MBP: variants seen among roughly 807,000 people sequenced by gnomAD.
The protein encoded by MBP is myelin basic protein, also known as Golli-MBP.
In MBP, 16 loss-of-function variants were observed where a neutral mutation model predicts 35.8. The ratio of observed to expected loss-of-function variants is 0.45; its 90% CI spans 0.30 to 0.68. The LOEUF is 0.68. Among genes scored for constraint, MBP ranks in the 30% least tolerant of loss-of-function variants. The pLI, the probability that MBP is intolerant of heterozygous loss-of-function variation, is 0.08. For synonymous variants in MBP, 143 were observed against 159.6 expected, an observed-to-expected ratio of 0.90 and a Z score of 0.78; for missense variants, 380 against 404.7, an observed-to-expected ratio of 0.94 and a Z score of 0.52.
chr18:76,996,850 G>A (rs753770421), intron 4 of MBP, among the ~76,000 whole-genome samples: 1 of 152,146 alleles, frequency 6.6e-6, no homozygotes, highest in Non-Finnish European at 1.5e-5. Flanking sequence ...AGCCCATTTT[G>A]TTCATTATTT....
intron 3 of MBP, among the ~76,000 whole-genome samples, chr18:77,051,311 G>A (rs547109771): frequency 6.6e-6 from 1 of 152,316 alleles, no homozygotes; most frequent in Admixed American, 6.5e-5. Context: ...CGAATGACGC[G>A]AGCATCTCTC....
chr18:77,029,423 G>A (rs1350858421), intron 3 of MBP, among the ~76,000 whole-genome samples: 4 of 132,068 alleles, frequency 3.0e-5, no homozygotes, highest in African/African-American at 1.2e-4. Context: ...GAGGGAGACC[G>A]TGGGGAGAGG....
intron 4 of MBP, among the ~76,000 whole-genome samples, chr18:76,997,762 A>C (rs1970366817): frequency 6.6e-6 from 1 of 150,588 alleles, no homozygotes; most frequent in Admixed American, 6.6e-5. Flanking sequence ...GGCTCACTGC[A>C]AGCTCCGCCT....
At chr18:77,042,888 C>G (rs1462482103) in intron 3 of MBP, among the ~76,000 whole-genome samples, 1 of 152,176 alleles carries the variant, frequency 6.6e-6, no homozygotes, top group African/African-American at 2.4e-5. Flanking sequence ...TTTTAAAAAG[C>G]CTCAGGCAAG....
At chr18:77,068,562 G>A (rs991115976) in intron 2 of MBP, among the ~76,000 whole-genome samples, 3 of 152,204 alleles carry the variant, frequency 2.0e-5, no homozygotes, top group Admixed American at 6.5e-5. Flanking sequence ...GCAGAAAGAG[G>A]TGTTGCCTGA....
Position 77,101,189 on chromosome 18 carries a change from CT to C in MBP, c.51+4021del, listed in dbSNP as rs1975992917. ...TCCCTCTGTGGGTGGGTCTTGCCCC[CT>C]GCCCCTCTCCTGGCATTGAGGCACG... On this transcript the variant is annotated intron_variant, in intron 2 of 8. Coordinates refer to ENST00000355994, the MANE Select transcript of MBP (RefSeq NM_001025101.2). The surrounding 1 kb of genome is among the most constrained non-coding windows in gnomAD (Gnocchi z 4.3). 6.6e-6 allele frequency among the ~76,000 whole-genome samples: 1 copy of C among 152,244 alleles called. No individual in the cohort carries two copies. Among genetic ancestry groups the C allele is most frequent in the African/African-American group, 2.4e-5 (1 of 41,468 alleles).
At chr18:76,996,904 A>G (rs1970299780) in intron 4 of MBP, among the ~76,000 whole-genome samples, 3 of 152,274 alleles carry the variant, frequency 2.0e-5, no homozygotes, top group Middle Eastern at 3.4e-3. Flanking sequence ...ATGAGCTGTC[A>G]TTGTACAGCC....
At chr18:77,059,939 GAA>G (rs1207634928) in intron 3 of MBP, among the ~76,000 whole-genome samples, 1 of 152,236 alleles carries the variant, frequency 6.6e-6, no homozygotes, top group Admixed American at 6.5e-5. Context: ...CAGCCTCTTA[GAA>G]AAGTGATGTA....
chr18:77,022,616 T>A (rs933210960), intron 3 of MBP, among the ~76,000 whole-genome samples: 4 of 152,268 alleles, frequency 2.6e-5, no homozygotes, highest in African/African-American at 9.6e-5. Flanking sequence ...CTGTGCTTTA[T>A]GTTCTCTAGC....
At chr18:77,099,546 T>C (rs1975912313) in intron 2 of MBP, among the ~76,000 whole-genome samples, 1 of 152,248 alleles carries the variant, frequency 6.6e-6, no homozygotes, top group South Asian at 2.1e-4. Flanking sequence ...ACGAGAAGAC[T>C]GACGCTCCCA....
At chr18:77,032,769 A>T (rs1489883615) in intron 3 of MBP, among the ~76,000 whole-genome samples, 5 of 152,148 alleles carry the variant, frequency 3.3e-5, no homozygotes, top group African/African-American at 1.2e-4. Context: ...CACTGGACAG[A>T]CCCAGAGCAG....
At chr18:77,073,088 T>C (rs1471874228) in intron 2 of MBP, among the ~76,000 whole-genome samples, 1 of 152,236 alleles carries the variant, frequency 6.6e-6, no homozygotes, top group Non-Finnish European at 1.5e-5. Context: ...CCAAATACTT[T>C]GTCAGGATCC....
chr18:77,068,796 G>T (rs1974312320), intron 2 of MBP, among the ~76,000 whole-genome samples: 1 of 152,172 alleles, frequency 6.6e-6, no homozygotes. Context: ...ACAAAAATGA[G>T]ATTTCTTTTT....
At chr18:76,987,376 A>C (rs146785786) in intron 7 of MBP, 643 of 985,482 alleles carry the variant, frequency 6.5e-4, no homozygotes, top group Admixed American at 1.8e-3. Flanking sequence ...TTAGGTCAGA[A>C]AAAGCAAGTC....
intron 4 of MBP, among the ~76,000 whole-genome samples, chr18:76,996,145 G>A (rs1489480040): frequency 6.6e-6 from 1 of 152,106 alleles, no homozygotes; most frequent in African/African-American, 2.4e-5. Context: ...AGGGGATACC[G>A]CACCGTTAGA....
intron 3 of MBP, among the ~76,000 whole-genome samples, chr18:77,058,558 C>G (rs1188284934): frequency 6.6e-6 from 1 of 152,230 alleles, no homozygotes; most frequent in African/African-American, 2.4e-5. Context: ...ACCACCCCCG[C>G]CCCCGCGTGC....
At chr18:76,986,175 C>A in intron 7 of MBP, 1 of 985,506 alleles carries the variant, frequency 1.0e-6, no homozygotes, top group Non-Finnish European at 1.2e-6. Context: ...CTTGGTTGGC[C>A]TCCTGAGTCT....
intron 3 of MBP, among the ~76,000 whole-genome samples, chr18:77,029,265 G>A (rs1232466903): frequency 6.7e-6 from 1 of 149,586 alleles, no homozygotes; most frequent in Non-Finnish European, 1.5e-5. Flanking sequence ...ACGAAAACCA[G>A]TCAGGCGTGG....
chr18:77,037,048 G>A, intron 3 of MBP, among the ~76,000 whole-genome samples: 1 of 141,908 alleles, frequency 7.0e-6, no homozygotes, highest in Non-Finnish European at 1.5e-5. Flanking sequence ...GTAAGTGCTG[G>A]TCACATTTTG....
Sources: allele counts gnomAD v4.1 joint callset (sites outside exome capture counted in the v4.1 genomes callset), GRCh38; gene constraint gnomAD v4.1.1; non-coding constraint Gnocchi (gnomAD v3.1); transcripts MANE v1.5; gene names NCBI Gene and HGNC (gene_info 2026-07-23, HGNC 2026-07-21).